IGFL4: variants seen among roughly 807,000 people sequenced by gnomAD.
IGFL4 encodes insulin growth factor-like family member 4.
In IGFL4, 12 loss-of-function variants were observed where a neutral mutation model predicts 15.4. That is an observed-to-expected ratio of 0.78 (90% CI 0.50 to 1.26). The LOEUF is 1.26. Among genes scored for constraint, IGFL4 ranks in the 50% most tolerant of loss-of-function variants. IGFL4 has a pLI of 0.00. For synonymous variants in IGFL4, 54 were observed against 55.9 expected (o/e 0.97, Z 0.16); for missense variants, 126 against 147.8 (o/e 0.85, Z 0.76).
intron 1 of IGFL4, among the ~76,000 whole-genome samples, chr19:46,069,585 C>T (rs182035787): frequency 1.3e-5 from 2 of 152,232 alleles, no homozygotes; most frequent in Admixed American, 1.3e-4. Context: ...TCATACATCC[C>T]CCCCTTGAAG....
intron 2 of IGFL4, among the ~76,000 whole-genome samples, chr19:46,046,968 TG>T (rs1391701362): frequency 2.0e-5 from 3 of 152,220 alleles, no homozygotes; most frequent in Non-Finnish European, 4.4e-5. Context: ...CATTGCCACA[TG>T]GCACTCACTC....
intron 1 of IGFL4, among the ~76,000 whole-genome samples, chr19:46,066,573 A>T (rs713412): frequency 0.53 from 80,246 of 152,072 alleles, 21,534 homozygotes; most frequent in Non-Finnish European, 0.55. Flanking sequence ...CTATATAGGA[A>T]GCATGGTGCT....
At chr19:46,042,025 G>C (rs1002677831), upstream of IGFL4, among the ~76,000 whole-genome samples, 1 of 130,926 alleles carries the variant, frequency 7.6e-6, no homozygotes, top group African/African-American at 2.9e-5. Context: ...ATTTTTCATA[G>C]AGTTAGGGTC....
intron 2 of IGFL4, among the ~76,000 whole-genome samples, chr19:46,047,225 C>T (rs528780084): frequency 6.6e-6 from 1 of 152,142 alleles, no homozygotes; most frequent in African/African-American, 2.4e-5. Context: ...ACAATGTACC[C>T]GATTCTCTGG....
chr19:46,052,437 C>A (rs1293006238), intron 2 of IGFL4, among the ~76,000 whole-genome samples: 1 of 151,974 alleles, frequency 6.6e-6, no homozygotes, highest in Non-Finnish European at 1.5e-5. Flanking sequence ...AATTCTTTGA[C>A]CTGAATGATA....
chr19:46,065,474 A>T (rs1255474184), intron 1 of IGFL4, among the ~76,000 whole-genome samples: 1 of 152,186 alleles, frequency 6.6e-6, no homozygotes, highest in Non-Finnish European at 1.5e-5. Context: ...ATGCCCAGCT[A>T]ATTTTTGTAT....
chr19:46,048,099 C>G (rs1027176688), intron 2 of IGFL4, among the ~76,000 whole-genome samples: 3 of 152,174 alleles, frequency 2.0e-5, no homozygotes, highest in African/African-American at 7.2e-5. Flanking sequence ...CCCTGGGATG[C>G]AAGGTTGGTT....
At chr19:46,072,784 C>A (rs1390065439) in intron 1 of IGFL4, among the ~76,000 whole-genome samples, 1 of 152,050 alleles carries the variant, frequency 6.6e-6, no homozygotes, top group African/African-American at 2.4e-5. Context: ...CTCTAGTTGT[C>A]TGGTACCTGG....
intron 1 of IGFL4, chr19:46,062,676 G>C (rs765773308): frequency 6.6e-6 from 1 of 152,346 alleles, no homozygotes; most frequent in Non-Finnish European, 1.5e-5. Context: ...AAAGAGAAAG[G>C]AGAGAAAGGG....
In IGFL4 at chr19:46,039,852, G is replaced by T. The variant is rs780109999; in HGVS notation, c.*40C>A. The stretch of plus-strand genomic sequence containing the variant: ...AATGCAGTATAATTACCAAGTATTA[G>T]ATTCTAGAGTGATCTGTGACTCTGC... On this transcript the variant is annotated 3_prime_UTR_variant, in exon 4 of 4. Coordinates refer to ENST00000377697, the MANE Select transcript of IGFL4 (RefSeq NM_001002923.3). 3 of 1,508,622 alleles carry T rather than the reference G, an allele frequency of 2.0e-6. No individual in the cohort carries two copies. Among genetic ancestry groups the T allele is most frequent in the Admixed American group, 1.7e-5 (1 of 59,896 alleles). 93.5% of individuals were successfully genotyped at this position (1,508,622 alleles called of 1,614,324 possible).
intron 2 of IGFL4, among the ~76,000 whole-genome samples, chr19:46,052,799 C>T (rs1186041535): frequency 6.7e-6 from 1 of 149,326 alleles, no homozygotes; most frequent in Non-Finnish European, 1.5e-5. Context: ...AAACTATTAA[C>T]ACATACTTAA....
chr19:46,041,175 T>C (rs1969239720), upstream of IGFL4: 3 of 536,192 alleles, frequency 5.6e-6, no homozygotes, highest in Non-Finnish European at 9.7e-6. Flanking sequence ...TTCCAAGTGG[T>C]TGCTGCCTCC....
chr19:46,041,837 C>CTCTT (rs1170247037), upstream of IGFL4, among the ~76,000 whole-genome samples: 15 of 109,864 alleles, frequency 1.4e-4, no homozygotes, highest in African/African-American at 4.7e-4. Context: ...TCCTCTCTCT[C>CTCTT]TTTTTTTTTT....
intron 2 of IGFL4, among the ~76,000 whole-genome samples, chr19:46,052,378 C>G (rs1969353209): frequency 6.6e-6 from 1 of 152,132 alleles, no homozygotes; most frequent in African/African-American, 2.4e-5. Flanking sequence ...AATTAAATAA[C>G]CTGCTCCTGA....
intron 1 of IGFL4, among the ~76,000 whole-genome samples, chr19:46,061,319 TA>T (rs1366911903): frequency 6.6e-6 from 1 of 152,262 alleles, no homozygotes; most frequent in Admixed American, 6.5e-5. Flanking sequence ...TCACATGAAC[TA>T]AAAGGCATTA....
At chr19:46,045,997 G>A (rs1009017501), upstream of IGFL4, among the ~76,000 whole-genome samples, 3 of 152,076 alleles carry the variant, frequency 2.0e-5, no homozygotes, top group Non-Finnish European at 2.9e-5. Flanking sequence ...AAGAAAAAAT[G>A]TTAAGGGCAG....
chr19:46,055,379 C>G (rs1969383310), intron 2 of IGFL4, among the ~76,000 whole-genome samples: 1 of 152,066 alleles, frequency 6.6e-6, no homozygotes, highest in Non-Finnish European at 1.5e-5. Flanking sequence ...TGTGTGCCAC[C>G]AGGCTAATCT....
chr19:46,053,268 G>A (rs1969364296), intron 2 of IGFL4, among the ~76,000 whole-genome samples: 1 of 152,172 alleles, frequency 6.6e-6, no homozygotes, highest in Admixed American at 6.5e-5. Flanking sequence ...AGGCTGAAGT[G>A]CAGTGGCATG....
chr19:46,040,193 A>G lies in IGFL4; in HGVS notation c.294T>C (p.Asp98=). ...TCCTGGTGATAGGGGAGGACTTGCA[A>G]TCTGGCTTCATGCCTGGGACCTTGA... ...VRFKVPGMKP[D]CKSSPITRIC... is the part of the protein sequence containing the mutation. Residue 98 remains aspartate (D), a synonymous_variant, in exon 3 of 4, where the codon GAT becomes GAC. Coordinates refer to ENST00000377697, the MANE Select transcript of IGFL4 (RefSeq NM_001002923.3). This position sits in a 1 kb window ranked among gnomAD's most constrained non-coding sequence, Gnocchi z 4.1. 4 of 1,614,032 alleles carry G rather than the reference A, an allele frequency of 2.5e-6. No individual in the cohort carries two copies. The highest frequency in any genetic ancestry group is 3.4e-6 in the Non-Finnish European group (4 of 1,180,014).
Sources: allele counts gnomAD v4.1 joint callset (sites outside exome capture counted in the v4.1 genomes callset), GRCh38; gene constraint gnomAD v4.1.1; non-coding constraint Gnocchi (gnomAD v3.1); transcripts MANE v1.5; gene names NCBI Gene and HGNC (gene_info 2026-07-23, HGNC 2026-07-21).